The following SNX29 variants were observed in gnomAD, a reference collection of about 807,000 sequenced individuals.
The protein encoded by SNX29 is sorting nexin-29.
In SNX29, 78 loss-of-function variants were observed where a neutral mutation model predicts 102.1. The ratio of observed to expected loss-of-function variants is 0.76; its 90% CI spans 0.64 to 0.92. The LOEUF is 0.92. SNX29 is among the 40% of genes least tolerant of loss of function. The pLI is 0.00. For synonymous variants in SNX29, 580 were observed against 414.5 expected (o/e 1.40, Z -4.85); for missense variants, 1,280 against 1,061.7 (o/e 1.21, Z -2.86).
chr16:12,336,936 AC>A (rs1335508515), intron 15 of SNX29, among the ~76,000 whole-genome samples: 1 of 152,144 alleles, frequency 6.6e-6, no homozygotes, highest in Non-Finnish European at 1.5e-5. Context: ...ACAAAGTAAG[AC>A]CCTGTCTCAA....
chr16:12,446,034 G>C (rs1369001688), intron 18 of SNX29, among the ~76,000 whole-genome samples: 2 of 146,766 alleles, frequency 1.4e-5, no homozygotes, highest in African/African-American at 5.0e-5. Flanking sequence ...AGTTGAAACA[G>C]TAGCTTCTCA....
chr16:12,187,205 C>T (rs1433250648), intron 13 of SNX29, among the ~76,000 whole-genome samples: 1 of 152,162 alleles, frequency 6.6e-6, no homozygotes, highest in Admixed American at 6.5e-5. Flanking sequence ...TGTGCATGTC[C>T]CCTGGGCATG....
chr16:12,323,616 T>C (rs1365849018), intron 15 of SNX29, among the ~76,000 whole-genome samples: 1 of 152,096 alleles, frequency 6.6e-6, no homozygotes, highest in African/African-American at 2.4e-5. Flanking sequence ...AAGCTTTGTC[T>C]GGCATCCAGC....
intron 19 of SNX29, among the ~76,000 whole-genome samples, chr16:12,494,755 C>T (rs2088727260): frequency 1.3e-5 from 2 of 152,198 alleles, no homozygotes; most frequent in South Asian, 4.1e-4. Flanking sequence ...GCCTGATCCT[C>T]ATAAGCTGGT....
At position 12,096,148 on chromosome 16, in the gene SNX29, C is replaced by T. The variant is rs1242902267; in HGVS notation, c.1402+17233C>T. ...TGCCCCTTAACTGCCGAGAAGTGAA[C>T]CTAGGTGACGTGGCCAACACAGATC... On this transcript the variant is annotated intron_variant, in intron 11 of 20. Transcript: ENST00000566228. The surrounding 1 kb of genome is among the most constrained non-coding windows in gnomAD (Gnocchi z 4.2). Among the ~76,000 whole-genome samples the T allele has an allele frequency of 2.6e-5, 4 of 152,198 alleles. No homozygotes were observed. The highest frequency in any genetic ancestry group is 9.6e-5 in the African/African-American group (4 of 41,454).
chr16:12,383,830 T>A (rs1412666476), intron 16 of SNX29, among the ~76,000 whole-genome samples: 12 of 151,656 alleles, frequency 7.9e-5, no homozygotes, highest in Non-Finnish European at 1.3e-4. Context: ...TTGCTATTTT[T>A]TGTACCCATT....
chr16:12,183,750 G>A (rs2141851864), intron 13 of SNX29, among the ~76,000 whole-genome samples: 1 of 152,328 alleles, frequency 6.6e-6, no homozygotes, highest in African/African-American at 2.4e-5. Flanking sequence ...GGATGAGATA[G>A]GAGGTCGGCA....
chr16:12,046,100 C>T (rs1308718119), intron 5 of SNX29, among the ~76,000 whole-genome samples: 1 of 152,188 alleles, frequency 6.6e-6, no homozygotes. Context: ...CTGACAGCTC[C>T]CTTCTACTTT....
At chr16:12,172,415 AG>A (rs996916967) in intron 13 of SNX29, among the ~76,000 whole-genome samples, 1 of 152,176 alleles carries the variant, frequency 6.6e-6, no homozygotes, top group African/African-American at 2.4e-5. Context: ...CCCCAGGGCC[AG>A]GAAGAGAAGA....
chr16:12,221,703 G>T (rs1220764415), intron 14 of SNX29, among the ~76,000 whole-genome samples: 1 of 152,218 alleles, frequency 6.6e-6, no homozygotes, highest in Admixed American at 6.5e-5. Context: ...GGCTTTGTGG[G>T]GAAGTATTGG....
At chr16:12,152,559 A>G (rs550351647) in intron 13 of SNX29, among the ~76,000 whole-genome samples, 18 of 152,274 alleles carry the variant, frequency 1.2e-4, no homozygotes, top group Admixed American at 7.8e-4. Context: ...AGATTCACCC[A>G]TCAAATGGGG....
chr16:12,331,121 G>T (rs1378410125), intron 15 of SNX29, among the ~76,000 whole-genome samples: 2 of 152,220 alleles, frequency 1.3e-5, no homozygotes, highest in Admixed American at 1.3e-4. Context: ...TGAATCCTCT[G>T]CTGGTATGAG....
At chr16:12,360,584 T>G (rs2082273285) in intron 16 of SNX29, among the ~76,000 whole-genome samples, 1 of 152,036 alleles carries the variant, frequency 6.6e-6, no homozygotes, top group Admixed American at 6.6e-5. Context: ...CTATTGGAGG[T>G]GCGAGTTCAC....
intron 13 of SNX29, among the ~76,000 whole-genome samples, chr16:12,139,329 C>T (rs965826824): frequency 2.0e-5 from 3 of 151,550 alleles, no homozygotes; most frequent in Non-Finnish European, 4.4e-5. Context: ...TTATTACTGA[C>T]AGTCACAGTC....
At chr16:12,465,437 C>T (rs190151369) in intron 18 of SNX29, among the ~76,000 whole-genome samples, 10 of 151,850 alleles carry the variant, frequency 6.6e-5, no homozygotes, top group African/African-American at 1.2e-4. Context: ...GTAGATATTC[C>T]GTTTGCCCAG....
chr16:12,463,857 A>G (rs1244336835), intron 18 of SNX29, among the ~76,000 whole-genome samples: 2 of 112,126 alleles, frequency 1.8e-5, no homozygotes, highest in Non-Finnish European at 4.0e-5. Flanking sequence ...TGTGTGTGAG[A>G]GATGACACTT....
At chr16:12,516,918 C>T (rs1277747782) in intron 19 of SNX29, among the ~76,000 whole-genome samples, 2 of 152,160 alleles carry the variant, frequency 1.3e-5, no homozygotes, top group East Asian at 3.8e-4. Flanking sequence ...TCACAGCATT[C>T]CATCGTTTTA....
chr16:12,091,321 G>A (rs1322473647), intron 11 of SNX29, among the ~76,000 whole-genome samples: 1 of 152,106 alleles, frequency 6.6e-6, no homozygotes, highest in Non-Finnish European at 1.5e-5. Flanking sequence ...TCAGAGAAAA[G>A]CACCCAGGTC....
rs548872626 is a variant in SNX29, at chr16:12,555,868, A to G, written c.2319-12638A>G. The stretch of plus-strand genomic sequence containing the variant: ...CCTCACCACCTCCATCATTTTCTCC[A>G]GAGGCCGTGCTTTCTGCCCTCCTGT... On this transcript the variant is annotated intron_variant, in intron 20 of 20. Coordinates refer to ENST00000566228, the MANE Select transcript of SNX29 (RefSeq NM_032167.5). Among the ~76,000 whole-genome samples, 10 of 152,174 alleles carry G rather than the reference A, an allele frequency of 6.6e-5. 2 individuals carry two copies. Among genetic ancestry groups the G allele is most frequent in the African/African-American group, 2.4e-4 (10 of 41,490 alleles).
Sources: allele counts gnomAD v4.1 joint callset (sites outside exome capture counted in the v4.1 genomes callset), GRCh38; gene constraint gnomAD v4.1.1; non-coding constraint Gnocchi (gnomAD v3.1); transcripts MANE v1.5; gene names NCBI Gene and HGNC (gene_info 2026-07-23, HGNC 2026-07-21).